Variants in DPP6 observed in about 807,000 individuals in gnomAD.
DPP6 encodes A-type potassium channel modulatory protein DPP6.
In DPP6, 69 loss-of-function variants were observed where a neutral mutation model predicts 122.6. The ratio of observed to expected loss-of-function variants is 0.56; its 90% CI spans 0.46 to 0.69. DPP6 has a LOEUF of 0.69. Among genes scored for constraint, DPP6 ranks in the 30% least tolerant of loss-of-function variants. The pLI is 0.00. For missense variants in DPP6, 928 were observed against 1,116.9 expected, an observed-to-expected ratio of 0.83 and a Z score of 2.41; for synonymous variants, 418 against 433.1, an observed-to-expected ratio of 0.97 and a Z score of 0.43.
chr7:154,021,404 G>A (rs1798693681), intron 1 of DPP6, among the ~76,000 whole-genome samples: 1 of 152,158 alleles, frequency 6.6e-6, no homozygotes, highest in African/African-American at 2.4e-5. Flanking sequence ...TTCAGTGTCT[G>A]CTCCTCCCAG....
At chr7:154,391,944 T>C (rs1814658936) in intron 1 of DPP6, among the ~76,000 whole-genome samples, 1 of 151,982 alleles carries the variant, frequency 6.6e-6, no homozygotes. Flanking sequence ...AGAAGAGAGG[T>C]TGTTTTTTAA....
intron 1 of DPP6, among the ~76,000 whole-genome samples, chr7:154,423,970 T>G (rs999573807): frequency 5.3e-5 from 8 of 152,202 alleles, no homozygotes; most frequent in Non-Finnish European, 1.2e-4. Context: ...GGCCTTTGTT[T>G]TCAATGTTCC....
chr7:154,431,913 C>T lies in DPP6; in HGVS notation c.244-14301C>T, dbSNP rs1188933826. Reference sequence around the variant, plus strand: ...TTTCTCCTGGTATCTGCCCAGTGATCCAGGACAGCGCTCAGCTCCTGGTAG... The same window carrying T: ...TTTCTCCTGGTATCTGCCCAGTGATTCAGGACAGCGCTCAGCTCCTGGTAG... On this transcript the variant is annotated intron_variant, in intron 1 of 25. Transcript: ENST00000377770. 2.6e-5 allele frequency among the ~76,000 whole-genome samples: 4 copies of T among 152,168 alleles called. No homozygotes were observed. The East Asian group carries it at 7.7e-4, about 29-fold the overall frequency.
At chr7:154,766,021 T>C (rs1795874551) in intron 8 of DPP6, among the ~76,000 whole-genome samples, 1 of 152,262 alleles carries the variant, frequency 6.6e-6, no homozygotes. Flanking sequence ...AGGTTTCTTC[T>C]GCCCAGCACT....
intron 1 of DPP6, among the ~76,000 whole-genome samples, chr7:154,386,172 C>T (rs961557283): frequency 1.3e-5 from 2 of 152,038 alleles, no homozygotes; most frequent in African/African-American, 4.8e-5. Flanking sequence ...ACTCTGAAAT[C>T]GGTATTATGA....
chr7:154,651,733 GGCAGCCGAAAGGGAAAGGATGA>G (rs1460165081), intron 6 of DPP6, among the ~76,000 whole-genome samples: 1 of 152,038 alleles, frequency 6.6e-6, no homozygotes, highest in Non-Finnish European at 1.5e-5. Context: ...TTTACAGATG[GGCAGCCGAAAGGGAAAGGATGA>G]GATGGCTAAA....
chr7:154,060,367 A>T (rs1290003846), intron 1 of DPP6, among the ~76,000 whole-genome samples: 87 of 81,602 alleles, frequency 1.1e-3, no homozygotes, highest in South Asian at 1.3e-3. Context: ...ACTGAGAGCC[A>T]GCCCCTGGTT....
rs1843609789 is a variant in DPP6, at chr7:154,755,325, A to G, written c.884-14092A>G. On this transcript the variant is annotated intron_variant, in intron 8 of 25. Coordinates refer to ENST00000377770, the MANE Select transcript of DPP6 (RefSeq NM_130797.4). This position sits in a 1 kb window ranked among gnomAD's most constrained non-coding sequence, Gnocchi z 4.7. ...ACATCCCCAGCAGCCCAGCATGCACAGGCTCAGAGCCCACAGGTGCACACT... is the reference window on the plus strand; with the variant it reads ...ACATCCCCAGCAGCCCAGCATGCACGGGCTCAGAGCCCACAGGTGCACACT... 6.6e-6 allele frequency among the ~76,000 whole-genome samples: 1 copy of G among 152,072 alleles called. No individual in the cohort carries two copies. The highest frequency in any genetic ancestry group is 1.5e-5 in the Non-Finnish European group (1 of 68,004).
At chr7:154,318,938 C>T (rs1418277759) in intron 1 of DPP6, among the ~76,000 whole-genome samples, 2 of 152,172 alleles carry the variant, frequency 1.3e-5, no homozygotes, top group Admixed American at 1.3e-4. Flanking sequence ...TGGGCTTATG[C>T]CCAGGCATGT....
chr7:154,466,233 A>G (rs1821770112), intron 2 of DPP6, among the ~76,000 whole-genome samples: 1 of 152,184 alleles, frequency 6.6e-6, no homozygotes, highest in Non-Finnish European at 1.5e-5. Context: ...AAGGGATAGC[A>G]TTAGGAGAAA....
intron 1 of DPP6, among the ~76,000 whole-genome samples, chr7:154,222,536 T>G (rs1400528342): frequency 1.3e-5 from 2 of 148,486 alleles, no homozygotes; most frequent in Non-Finnish European, 2.9e-5. Context: ...ACGCCTGTAA[T>G]CCCAGCTACT....
chr7:153,948,819 A>G (rs954108035), intron 1 of DPP6, among the ~76,000 whole-genome samples: 1 of 146,226 alleles, frequency 6.8e-6, no homozygotes, highest in Non-Finnish European at 1.5e-5. Flanking sequence ...AGCCTGGCCC[A>G]TACGAGATAT....
At chr7:154,466,750 G>A (rs1821820148) in intron 2 of DPP6, among the ~76,000 whole-genome samples, 1 of 152,190 alleles carries the variant, frequency 6.6e-6, no homozygotes, top group African/African-American at 2.4e-5. Flanking sequence ...TCTTTGGGAT[G>A]GCCCTGTCTT....
At chr7:154,305,541 A>T in intron 1 of DPP6, 1 of 1,603,474 alleles carries the variant, frequency 6.2e-7, no homozygotes, top group Non-Finnish European at 8.5e-7. Flanking sequence ...TCCGTGCAGC[A>T]GCAGGAACAG....
the DPP6 span, among the ~76,000 whole-genome samples, chr7:153,870,480 G>C: frequency 1.1e-4 from 17 of 152,218 alleles, 1 homozygote; most frequent in Admixed American, 9.8e-4. Context: ...CATAATTCTC[G>C]TGCTGTGGTT....
chr7:154,757,530 A>G (rs1447722438), intron 8 of DPP6, among the ~76,000 whole-genome samples: 1 of 152,174 alleles, frequency 6.6e-6, no homozygotes, highest in East Asian at 1.9e-4. Context: ...TTGCAATAAG[A>G]GGGCCTTCGT....
At chr7:154,704,991 A>C (rs1196700478) in intron 7 of DPP6, among the ~76,000 whole-genome samples, 2 of 152,156 alleles carry the variant, frequency 1.3e-5, no homozygotes, top group Non-Finnish European at 2.9e-5. Flanking sequence ...CTCAGCCTCC[A>C]GAGTAGCTGA....
intron 4 of DPP6, among the ~76,000 whole-genome samples, chr7:154,545,951 T>C (rs1189156937): frequency 6.6e-6 from 1 of 152,230 alleles, no homozygotes; most frequent in Non-Finnish European, 1.5e-5. Context: ...ACTTAAATTC[T>C]GCCAGGTGTT....
chr7:154,385,394 G>A (rs2151152643), intron 1 of DPP6, among the ~76,000 whole-genome samples: 1 of 152,280 alleles, frequency 6.6e-6, no homozygotes, highest in East Asian at 1.9e-4. Flanking sequence ...GACAGGGGTG[G>A]GACTTGAGTT....
Sources: allele counts gnomAD v4.1 joint callset (sites outside exome capture counted in the v4.1 genomes callset), GRCh38; gene constraint gnomAD v4.1.1; non-coding constraint Gnocchi (gnomAD v3.1); transcripts MANE v1.5; gene names NCBI Gene and HGNC (gene_info 2026-07-23, HGNC 2026-07-21).